Variants in MCTP1 observed in about 807,000 individuals in gnomAD.
MCTP1 encodes multiple C2 and transmembrane domain containing 1, also known as multiple C2 and transmembrane domain-containing protein 1.
In MCTP1, 69 loss-of-function variants were observed where a neutral mutation model predicts 120.6. The ratio of observed to expected loss-of-function variants is 0.57; its 90% CI spans 0.47 to 0.70. The LOEUF (loss-of-function observed/expected upper bound fraction) is 0.70, where lower values mean the gene tolerates loss of function less well. MCTP1 is among the 30% of genes least tolerant of loss of function. The pLI is 0.00. For synonymous variants in MCTP1, 529 were observed against 493.1 expected, an observed-to-expected ratio of 1.07 and a Z score of -0.96; for missense variants, 1,203 against 1,248.8, an observed-to-expected ratio of 0.96 and a Z score of 0.55.
At chr5:95,064,332 T>G (rs919422278) in intron 1 of MCTP1, among the ~76,000 whole-genome samples, 1 of 152,244 alleles carries the variant, frequency 6.6e-6, no homozygotes, top group South Asian at 2.1e-4. Flanking sequence ...TCTTTCTCTG[T>G]GTGCTCATGT....
intron 11 of MCTP1, among the ~76,000 whole-genome samples, chr5:94,893,205 A>T (rs1803087105): frequency 6.6e-6 from 1 of 152,224 alleles, no homozygotes; most frequent in Non-Finnish European, 1.5e-5. Flanking sequence ...AAAAAGAAAA[A>T]AAATTAATAA....
At chr5:95,240,010 A>T (rs1317828152) in intron 1 of MCTP1, among the ~76,000 whole-genome samples, 1 of 152,166 alleles carries the variant, frequency 6.6e-6, no homozygotes, top group African/African-American at 2.4e-5. Context: ...GGTTGGAAAT[A>T]TACTATGATC....
chr5:94,821,934 C>G (rs1019202659), intron 17 of MCTP1, among the ~76,000 whole-genome samples: 1 of 152,100 alleles, frequency 6.6e-6, no homozygotes, highest in Non-Finnish European at 1.5e-5. Context: ...CTGTGAATTA[C>G]GTTATACCAT....
At chr5:94,756,244 C>A (rs1449608779) in intron 19 of MCTP1, among the ~76,000 whole-genome samples, 3 of 152,212 alleles carry the variant, frequency 2.0e-5, no homozygotes, top group African/African-American at 7.2e-5. Flanking sequence ...TCTTGCCCAG[C>A]ATCACATAGC....
rs1462731222 is a variant in MCTP1, at chr5:94,870,910, C to T, written c.2203G>A (p.Gly735Arg). 5.6e-6 allele frequency: 9 copies of T among 1,613,172 alleles called. No individual in the cohort carries two copies. Among genetic ancestry groups the T allele is most frequent in the Non-Finnish European group, 6.8e-6 (8 of 1,179,436 alleles). ...ACATCTATTTCAAGATAGATGACCC[C>T]CTTTGTTGGCCCTGTCAGCTGCTTG... ...KNKQLTGPTK[G>R]VIYLEIDVIF... Residue 735 changes from glycine to arginine, a missense_variant, in exon 15 of 23, where the codon GGG (glycine) becomes AGG (arginine). Gly to Arg is a moderately radical substitution (Grantham distance 125). Around this residue, in one of 2 missense-constraint regions of MCTP1, gnomAD observed 740 missense variants for 871.1 expected, o/e 0.85. Coordinates refer to ENST00000515393, the MANE Select transcript of MCTP1 (RefSeq NM_024717.7).
At chr5:94,752,319 A>G (rs1012309001) in intron 19 of MCTP1, among the ~76,000 whole-genome samples, 1 of 151,450 alleles carries the variant, frequency 6.6e-6, no homozygotes, top group Non-Finnish European at 1.5e-5. Context: ...AGCTTGGGAA[A>G]TACTAGTTGT....
chr5:94,731,494 A>T (rs2152702390), intron 19 of MCTP1, among the ~76,000 whole-genome samples: 1 of 152,342 alleles, frequency 6.6e-6, no homozygotes, highest in East Asian at 1.9e-4. Flanking sequence ...CTGATAGATT[A>T]CAATAAATAT....
intron 2 of MCTP1, among the ~76,000 whole-genome samples, chr5:94,976,322 G>A (rs530622538): frequency 1.3e-5 from 2 of 152,014 alleles, no homozygotes; most frequent in Non-Finnish European, 2.9e-5. Context: ...GTAGTGGCGG[G>A]CACCTGTAAT....
At chr5:94,830,485 G>GTT (rs1170247912) in intron 17 of MCTP1, among the ~76,000 whole-genome samples, 1 of 152,132 alleles carries the variant, frequency 6.6e-6, no homozygotes, top group Non-Finnish European at 1.5e-5. Context: ...GATGACACAG[G>GTT]TTTTAAAAGT....
At chr5:94,910,693 A>C (rs931683320) in intron 9 of MCTP1, among the ~76,000 whole-genome samples, 4 of 152,214 alleles carry the variant, frequency 2.6e-5, no homozygotes, top group Non-Finnish European at 1.5e-5. Flanking sequence ...AAAAATAAGT[A>C]ATGTTTTTAG....
At chr5:94,720,134 T>A (rs946874820) in intron 19 of MCTP1, among the ~76,000 whole-genome samples, 1 of 150,412 alleles carries the variant, frequency 6.6e-6, no homozygotes, top group African/African-American at 2.4e-5. Flanking sequence ...TCAAAAAAAA[T>A]AAATAAATAA....
chr5:94,991,092 T>G (rs1397629657), intron 2 of MCTP1, among the ~76,000 whole-genome samples: 1 of 152,220 alleles, frequency 6.6e-6, no homozygotes, highest in Non-Finnish European at 1.5e-5. Context: ...ATCATCAGTG[T>G]TTGTACCATT....
intron 2 of MCTP1, among the ~76,000 whole-genome samples, chr5:94,960,903 C>A (rs189259497): frequency 6.6e-6 from 1 of 152,226 alleles, no homozygotes; most frequent in East Asian, 1.9e-4. Flanking sequence ...ACCATTTGAT[C>A]CAGCAATCCT....
At chr5:94,824,994 G>A (rs1786635278) in intron 17 of MCTP1, among the ~76,000 whole-genome samples, 1 of 152,100 alleles carries the variant, frequency 6.6e-6, no homozygotes, top group Admixed American at 6.5e-5. Context: ...ACCAGCCCCT[G>A]GATACACTGA....
intron 17 of MCTP1, among the ~76,000 whole-genome samples, chr5:94,829,017 A>C (rs42917): frequency 5.8e-4 from 55 of 94,750 alleles, no homozygotes; most frequent in African/African-American, 8.7e-4. Flanking sequence ...ACAACAACAA[A>C]AAAAAAACTC....
chr5:94,926,081 AT>A (rs1413050371), intron 6 of MCTP1, among the ~76,000 whole-genome samples: 2 of 152,150 alleles, frequency 1.3e-5, no homozygotes, highest in African/African-American at 4.8e-5. Flanking sequence ...ATATAATGTG[AT>A]TTTTTTCAGC....
At chr5:95,150,135 T>C (rs1760758387) in intron 1 of MCTP1, among the ~76,000 whole-genome samples, 1 of 152,240 alleles carries the variant, frequency 6.6e-6, no homozygotes, top group Non-Finnish European at 1.5e-5. Flanking sequence ...TTTGTTTTTA[T>C]ATTTTTAAAT....
intron 17 of MCTP1, among the ~76,000 whole-genome samples, chr5:94,850,689 T>A (rs1793509954): frequency 6.6e-6 from 1 of 152,136 alleles, no homozygotes; most frequent in Admixed American, 6.6e-5. Context: ...AAGGTTTCTT[T>A]TCTTTCTGAA....
chr5:94,867,642 T>G (rs1398763924), intron 17 of MCTP1: 1 of 380,286 alleles, frequency 2.6e-6, no homozygotes, highest in African/African-American at 2.1e-5. Context: ...CAAAATAATG[T>G]GAGAGAAGAA....
Sources: gnomAD v4.1 joint callset for allele counts (sites outside exome capture counted in the v4.1 genomes callset) on GRCh38, gnomAD v4.1.1 for gene constraint, gnomAD v4.1.1 regional missense constraint, MANE v1.5 for transcripts, NCBI Gene and HGNC (gene_info 2026-07-23, HGNC 2026-07-21) for gene names.